Variants in FOXP1 observed in about 807,000 individuals in gnomAD.
FOXP1 encodes the protein forkhead box P1.
Under a neutral mutation model 98.2 loss-of-function variants are expected in FOXP1, and 15 were observed. The ratio of observed to expected loss-of-function variants is 0.15; its 90% CI spans 0.10 to 0.24. The LOEUF is 0.24. Among genes scored for constraint, FOXP1 ranks in the 10% least tolerant of loss-of-function variants. FOXP1 has a pLI of 1.00. For missense variants in FOXP1, 633 were observed against 848.5 expected (o/e 0.75, Z 3.15); for synonymous variants, 371 against 314.5 (o/e 1.18, Z -1.90).
chr3:71,201,850 G>C (rs116019682), intron 5 of FOXP1, among the ~76,000 whole-genome samples: 274 of 152,212 alleles, frequency 1.8e-3, no homozygotes, highest in African/African-American at 6.3e-3. Context: ...TCCCATACCA[G>C]GGACTTGATC....
intron 3 of FOXP1, among the ~76,000 whole-genome samples, chr3:71,486,224 C>T (rs982376030): frequency 6.6e-6 from 1 of 151,956 alleles, no homozygotes; most frequent in African/African-American, 2.4e-5. Context: ...ACCTAGAACA[C>T]AGAGATGTTG....
At chr3:71,507,478 C>T (rs776073318) in intron 2 of FOXP1, among the ~76,000 whole-genome samples, 1 of 151,782 alleles carries the variant, frequency 6.6e-6, no homozygotes, top group African/African-American at 2.4e-5. Context: ...TATTATGCAA[C>T]CATTAAAAAG....
In FOXP1 at chr3:71,193,234, G is replaced by A. The variant is rs1285242435; in HGVS notation, c.180+4968C>T. On this transcript the variant is annotated intron_variant, in intron 6 of 20. Coordinates refer to ENST00000649528, the MANE Select transcript of FOXP1 (RefSeq NM_001349338.3). ...GGGATCTCGGCTCACTGCAAGCTCC[G>A]CCTCCCAGGTTCACGCCATTCTCCT... is the stretch of plus-strand genomic sequence containing the variant. Among the ~76,000 whole-genome samples the A allele has an allele frequency of 5.3e-5, 7 of 131,576 alleles. 1 individual carries two copies. Among genetic ancestry groups the A allele is most frequent in the Non-Finnish European group, 1.1e-4 (7 of 64,174 alleles). The allele number at this position is 131,576 out of a possible 152,430, so 86.3% of individuals were successfully genotyped here.
chr3:71,105,266 A>G (rs1298496184), intron 7 of FOXP1, among the ~76,000 whole-genome samples: 3 of 152,172 alleles, frequency 2.0e-5, no homozygotes, highest in Non-Finnish European at 4.4e-5. Flanking sequence ...AGGGTCCGAC[A>G]GTGTTATTCC....
intron 6 of FOXP1, among the ~76,000 whole-genome samples, chr3:71,178,165 T>C (rs2062060957): frequency 1.3e-5 from 2 of 149,102 alleles, no homozygotes; most frequent in Non-Finnish European, 3.0e-5. Context: ...TGAGAGAGTC[T>C]TGCTCTGTCA....
At chr3:71,530,141 C>T (rs952822032) in intron 2 of FOXP1, among the ~76,000 whole-genome samples, 17 of 152,254 alleles carry the variant, frequency 1.1e-4, no homozygotes, top group African/African-American at 4.1e-4. Flanking sequence ...GAATGCATCT[C>T]CCTAAGTTTA....
intron 3 of FOXP1, among the ~76,000 whole-genome samples, chr3:71,456,401 T>A (rs935027738): frequency 1.3e-5 from 2 of 152,164 alleles, no homozygotes; most frequent in African/African-American, 2.4e-5. Flanking sequence ...TTCTTGTACA[T>A]CTCATTTTTC....
chr3:71,345,417 C>T lies in FOXP1; in HGVS notation c.-73+13733G>A, dbSNP rs1426066217. Among the ~76,000 whole-genome samples the T allele has an allele frequency of 3.7e-3, 559 of 150,940 alleles. 6 individuals are homozygous for T. Among genetic ancestry groups the T allele is most frequent in the African/African-American group, 0.013 (522 of 41,134 alleles). On this transcript the variant is annotated intron_variant, in intron 4 of 20. Coordinates refer to ENST00000649528, the MANE Select transcript of FOXP1 (RefSeq NM_001349338.3). ...ATATATACACACACACACACACACA[C>T]ACACACACACACACACACACACACA...
chr3:71,323,896 C>T (rs2075535720), intron 4 of FOXP1, among the ~76,000 whole-genome samples: 1 of 152,242 alleles, frequency 6.6e-6, no homozygotes, highest in African/African-American at 2.4e-5. Context: ...CCCAGCACTA[C>T]CAGTTATATA....
intron 7 of FOXP1, among the ~76,000 whole-genome samples, chr3:71,101,979 G>A (rs1004603541): frequency 1.3e-5 from 2 of 152,124 alleles, no homozygotes; most frequent in Admixed American, 6.5e-5. Flanking sequence ...TTAAAAATCT[G>A]TTCTTTTGTT....
At chr3:71,153,881 G>A (rs1202907696) in intron 6 of FOXP1, among the ~76,000 whole-genome samples, 1 of 152,052 alleles carries the variant, frequency 6.6e-6, no homozygotes, top group Non-Finnish European at 1.5e-5. Flanking sequence ...CAGAGGTACG[G>A]CAATAAACAT....
At chr3:71,472,249 T>C (rs2089429994) in intron 3 of FOXP1, among the ~76,000 whole-genome samples, 1 of 152,146 alleles carries the variant, frequency 6.6e-6, no homozygotes. Context: ...TGAATTCCCC[T>C]ATTTAACTGT....
At chr3:71,393,065 T>A (rs1460253047) in intron 3 of FOXP1, among the ~76,000 whole-genome samples, 1 of 152,168 alleles carries the variant, frequency 6.6e-6, no homozygotes, top group Non-Finnish European at 1.5e-5. Context: ...AATTATAATA[T>A]GCCCAAGAAT....
intron 3 of FOXP1, among the ~76,000 whole-genome samples, chr3:71,367,399 G>C (rs60139688): frequency 0.014 from 2,080 of 152,192 alleles, 39 homozygotes; most frequent in African/African-American, 0.048. Flanking sequence ...GTCAGAACAG[G>C]GGCCAAAAGC....
chr3:71,323,184 T>C (rs1330827523), intron 4 of FOXP1, among the ~76,000 whole-genome samples: 3 of 152,258 alleles, frequency 2.0e-5, no homozygotes, highest in Non-Finnish European at 1.5e-5. Context: ...TTGGTCAGGC[T>C]GGTCTCGAAC....
At chr3:71,184,375 T>C (rs2062519546) in intron 6 of FOXP1, among the ~76,000 whole-genome samples, 1 of 152,248 alleles carries the variant, frequency 6.6e-6, no homozygotes, top group Admixed American at 6.5e-5. Flanking sequence ...GTGCACTTAC[T>C]GTAATCTGTG....
intron 2 of FOXP1, among the ~76,000 whole-genome samples, chr3:71,563,765 A>C (rs1270511221): frequency 6.6e-6 from 1 of 152,238 alleles, no homozygotes; most frequent in East Asian, 1.9e-4. Flanking sequence ...GGAACGTCAA[A>C]GACAATGTGA....
intron 3 of FOXP1, among the ~76,000 whole-genome samples, chr3:71,361,427 G>C (rs2078560464): frequency 6.6e-6 from 1 of 152,152 alleles, no homozygotes; most frequent in Non-Finnish European, 1.5e-5. Flanking sequence ...CCCCACGTCA[G>C]GGCAATGCAA....
At chr3:71,227,990 G>A (rs1030594678) in intron 5 of FOXP1, among the ~76,000 whole-genome samples, 2 of 137,388 alleles carry the variant, frequency 1.5e-5, no homozygotes, top group East Asian at 4.9e-4. Context: ...AGAATGTGGT[G>A]GAATCAAATC....
Sources: gnomAD v4.1 joint callset for allele counts (sites outside exome capture counted in the v4.1 genomes callset) on GRCh38, gnomAD v4.1.1 for gene constraint, MANE v1.5 for transcripts, NCBI Gene and HGNC (gene_info 2026-07-23, HGNC 2026-07-21) for gene names.